NTM: variants seen among roughly 807,000 people sequenced by gnomAD.
NTM encodes IgLON family member 2.
A neutral mutation model predicts 42.1 loss-of-function variants in NTM; 13 were observed. That is an observed-to-expected ratio of 0.31 (90% CI 0.20 to 0.49). The LOEUF (loss-of-function observed/expected upper bound fraction) is 0.49. Ranked by LOEUF, NTM falls within the 20% of genes least tolerant of loss-of-function variation. NTM has a pLI of 0.99. For synonymous variants in NTM, 187 were observed against 179.2 expected (o/e 1.04, Z -0.35); for missense variants, 373 against 452.8 (o/e 0.82, Z 1.60).
At chr11:132,327,986 C>G (rs1457677371) in intron 7 of NTM, among the ~76,000 whole-genome samples, 4 of 152,092 alleles carry the variant, frequency 2.6e-5, no homozygotes, top group African/African-American at 9.7e-5. Flanking sequence ...CTTGAATTTT[C>G]AGGGATTGTT....
chr11:131,470,450 T>C (rs1035982089), intron 1 of NTM, among the ~76,000 whole-genome samples: 2 of 152,248 alleles, frequency 1.3e-5, no homozygotes, highest in African/African-American at 4.8e-5. Flanking sequence ...TTACCAGCTT[T>C]CCTTTTTCTG....
chr11:132,004,605 T>C (rs11222860), intron 2 of NTM, among the ~76,000 whole-genome samples: 36 of 144,068 alleles, frequency 2.5e-4, no homozygotes, highest in Admixed American at 2.8e-4. Flanking sequence ...CTTTCTCTCT[T>C]TCTCTCTCTC....
chr11:131,507,731 C>G (rs12575254), intron 1 of NTM, among the ~76,000 whole-genome samples: 1 of 147,252 alleles, frequency 6.8e-6, no homozygotes, highest in African/African-American at 2.5e-5. Flanking sequence ...CTTTTATTTC[C>G]TTGAGCAGTG....
At chr11:131,766,715 T>C (rs2085169956) in intron 1 of NTM, among the ~76,000 whole-genome samples, 2 of 152,206 alleles carry the variant, frequency 1.3e-5, no homozygotes, top group African/African-American at 4.8e-5. Context: ...TATATATATG[T>C]GTGATTTTAA....
intron 1 of NTM, among the ~76,000 whole-genome samples, chr11:131,740,853 G>A (rs998180418): frequency 6.6e-6 from 1 of 152,144 alleles, no homozygotes. Context: ...GATCATCTTT[G>A]ATCATTTCCT....
chr11:131,942,585 A>G (rs900042607), intron 2 of NTM, among the ~76,000 whole-genome samples: 17 of 152,132 alleles, frequency 1.1e-4, no homozygotes, highest in African/African-American at 4.1e-4. Flanking sequence ...CTATTTCTAT[A>G]TGAAAAGTCT....
intron 4 of NTM, among the ~76,000 whole-genome samples, chr11:132,297,685 C>T (rs2094671309): frequency 6.6e-6 from 1 of 152,158 alleles, no homozygotes; most frequent in Non-Finnish European, 1.5e-5. Context: ...TTTTGCCTAT[C>T]ATCATCTACA....
At chr11:131,954,612 T>C (rs1244273966) in intron 2 of NTM, among the ~76,000 whole-genome samples, 1 of 146,544 alleles carries the variant, frequency 6.8e-6, no homozygotes, top group Non-Finnish European at 1.5e-5. Flanking sequence ...GTACACTCAA[T>C]CAAATTTTAT....
chr11:132,214,068 G>C (rs1392208716), intron 4 of NTM, among the ~76,000 whole-genome samples: 1 of 152,178 alleles, frequency 6.6e-6, no homozygotes, highest in African/African-American at 2.4e-5. Flanking sequence ...TGTGAACAAG[G>C]GGTCTTTGAA....
At chr11:131,621,496 C>T (rs542242977) in intron 1 of NTM, among the ~76,000 whole-genome samples, 45 of 152,046 alleles carry the variant, frequency 3.0e-4, no homozygotes, top group African/African-American at 1.1e-3. Context: ...TCAAGTGCCA[C>T]CCTGTCAAAG....
intron 3 of NTM, among the ~76,000 whole-genome samples, chr11:132,197,487 G>T (rs1209846129): frequency 1.3e-5 from 2 of 151,800 alleles, no homozygotes; most frequent in Non-Finnish European, 2.9e-5. Flanking sequence ...TTTTGAAAGA[G>T]AGATGTTTAT....
chr11:132,180,932 A>T (rs1413639815), intron 3 of NTM, among the ~76,000 whole-genome samples: 1 of 152,218 alleles, frequency 6.6e-6, no homozygotes, highest in Admixed American at 6.5e-5. Flanking sequence ...AAGAAGAAAG[A>T]AGTGATCAAT....
At chr11:132,283,525 G>T (rs73597267) in intron 4 of NTM, among the ~76,000 whole-genome samples, 2 of 152,134 alleles carry the variant, frequency 1.3e-5, no homozygotes, top group South Asian at 4.2e-4. Flanking sequence ...CAAGGAGCTC[G>T]GGATGATGTG....
intron 1 of NTM, among the ~76,000 whole-genome samples, chr11:131,667,333 C>T (rs972877464): frequency 6.6e-6 from 1 of 152,158 alleles, no homozygotes; most frequent in Non-Finnish European, 1.5e-5. Context: ...ACTTCTGATC[C>T]CTCTGTTACT....
At chr11:131,443,352 C>CT (rs1419323458) in intron 1 of NTM, among the ~76,000 whole-genome samples, 1 of 152,086 alleles carries the variant, frequency 6.6e-6, no homozygotes, top group Non-Finnish European at 1.5e-5. Context: ...GCTAGAATGC[C>CT]TGGGTGTATG....
At chr11:132,067,385 A>G (rs1316553023) in intron 2 of NTM, among the ~76,000 whole-genome samples, 1 of 152,162 alleles carries the variant, frequency 6.6e-6, no homozygotes, top group Non-Finnish European at 1.5e-5. Flanking sequence ...TACAGCATCA[A>G]CTCACATCCA....
At chr11:132,278,873 CA>C (rs1339969111) in intron 4 of NTM, among the ~76,000 whole-genome samples, 4 of 151,816 alleles carry the variant, frequency 2.6e-5, no homozygotes, top group Non-Finnish European at 5.9e-5. Context: ...GTATTTCATT[CA>C]ACCCCGCAGC....
intron 1 of NTM, chr11:131,660,585 C>A (rs1461951004): frequency 2.2e-6 from 1 of 457,548 alleles, no homozygotes; most frequent in African/African-American, 2.0e-5. Flanking sequence ...TGCCTCGAAA[C>A]CTTGCTGCCC....
intron 1 of NTM, among the ~76,000 whole-genome samples, chr11:131,743,896 A>G (rs1415624884): frequency 6.6e-6 from 1 of 152,220 alleles, no homozygotes; most frequent in African/African-American, 2.4e-5. Flanking sequence ...TCATTCTGGA[A>G]CCTGGACCAA....
Sources: allele counts gnomAD v4.1 joint callset (sites outside exome capture counted in the v4.1 genomes callset), GRCh38; gene constraint gnomAD v4.1.1; transcripts MANE v1.5; gene names NCBI Gene and HGNC (gene_info 2026-07-23, HGNC 2026-07-21).